CFAP47: variants seen among roughly 807,000 people sequenced by gnomAD.
The protein encoded by CFAP47 is cilia- and flagella-associated protein 47.
A neutral mutation model predicts 148.1 loss-of-function variants in CFAP47; 29 were observed. The ratio of observed to expected loss-of-function variants is 0.20; its 90% CI spans 0.15 to 0.27. The LOEUF is 0.27. Ranked by LOEUF, CFAP47 falls within the 10% of genes least tolerant of loss-of-function variation. The probability of loss-of-function intolerance (pLI) is 1.00; values close to 1 mark genes in which losing one functional copy is unlikely to be tolerated. For missense variants in CFAP47, 1,872 were observed against 1,697.5 expected, an observed-to-expected ratio of 1.10 and a Z score of -1.81; for synonymous variants, 664 against 577.3, an observed-to-expected ratio of 1.15 and a Z score of -2.15.
chrX:36,007,481 A>G (rs908082255), intron 21 of CFAP47, among the ~76,000 whole-genome samples: 16 of 112,207 alleles, frequency 1.4e-4, no homozygotes, highest in Non-Finnish European at 2.6e-4. Flanking sequence ...AAAATATCAC[A>G]CATCACAAAA....
chrX:36,109,765 C>T lies in CFAP47; in HGVS notation c.5320+5074C>T, dbSNP rs557007839. Among the ~76,000 whole-genome samples, 12 of 111,823 alleles carry T rather than the reference C, an allele frequency of 1.1e-4. No individual in the cohort carries two copies. The South Asian group carries it at 3.0e-3, about 28-fold the overall frequency. ...CTGGGATTGCAGGCCTGAGCCACCGCGCCCAGCCTACTTTTTGACTTTTTA... is the reference window on the plus strand; with the variant it reads ...CTGGGATTGCAGGCCTGAGCCACCGTGCCCAGCCTACTTTTTGACTTTTTA... On this transcript the variant is annotated intron_variant, in intron 33 of 63. Transcript: ENST00000378653.
chrX:36,117,681 T>G (rs1170437390), intron 33 of CFAP47, among the ~76,000 whole-genome samples: 1 of 111,944 alleles, frequency 8.9e-6, no homozygotes, highest in East Asian at 2.8e-4. Flanking sequence ...ACATTTTCTC[T>G]CATCCTGTGG....
At chrX:36,292,350 A>T (rs1221187698) in intron 51 of CFAP47, among the ~76,000 whole-genome samples, 1 of 112,142 alleles carries the variant, frequency 8.9e-6, no homozygotes, top group African/African-American at 3.2e-5. Flanking sequence ...GACCCAGATT[A>T]TAATGATCAC....
intron 15 of CFAP47, among the ~76,000 whole-genome samples, chrX:35,988,482 C>T (rs778152708): frequency 6.3e-5 from 7 of 111,675 alleles, no homozygotes; most frequent in African/African-American, 2.3e-4. Flanking sequence ...TGTTATCTCC[C>T]TATATGGCCA....
intron 3 of CFAP47, among the ~76,000 whole-genome samples, chrX:35,946,497 A>G (rs1371621928): frequency 9.0e-6 from 1 of 111,344 alleles, no homozygotes; most frequent in African/African-American, 3.3e-5. Context: ...AGTCAATAAT[A>G]CCTATTTATT....
intron 57 of CFAP47, among the ~76,000 whole-genome samples, chrX:36,330,540 A>G (rs1941556270): frequency 5.4e-5 from 6 of 111,939 alleles, no homozygotes; most frequent in Admixed American, 4.8e-4. Flanking sequence ...CTCATTATCA[A>G]TGAAGATGGG....
chrX:36,350,796 TGCCTTCCCAGGATCAGCCTAA>T (rs1556017387), intron 59 of CFAP47, among the ~76,000 whole-genome samples: 1 of 109,814 alleles, frequency 9.1e-6, no homozygotes, highest in Non-Finnish European at 1.9e-5. Context: ...ATTTTCCCAT[TGCCTTCCCAGGATCAGCCTAA>T]GAAACAAAAT....
rs1245204530 is a variant in CFAP47, at chrX:35,926,067, G to T, written c.300G>T (p.Gln100His). 6.6e-6 allele frequency: 8 copies of T among 1,203,921 alleles called. No individual in the cohort carries two copies. Among genetic ancestry groups the T allele is most frequent in the Non-Finnish European group, 9.0e-6 (8 of 890,117 alleles). Residue 100 changes from glutamine (Q) to histidine (H), a missense_variant, in exon 2 of 64, where the codon CAG becomes CAT. Transcript: ENST00000378653. Reference protein sequence around the residue: ...SLDKELASGLQMTAMVEYHPD... With the variant: ...SLDKELASGLHMTAMVEYHPD... ...ATAAAGAACTTGCTTCTGGCCTTCA[G>T]ATGACAGCTATGGTGGAATATCATC...
intron 39 of CFAP47, among the ~76,000 whole-genome samples, chrX:36,172,510 G>T (rs1333367974): frequency 9.1e-6 from 1 of 109,470 alleles, no homozygotes; most frequent in African/African-American, 3.3e-5. Flanking sequence ...TAGCATGAGG[G>T]GTTGTTGAAT....
intron 30 of CFAP47, among the ~76,000 whole-genome samples, chrX:36,090,900 T>C (rs1192531819): frequency 2.7e-5 from 3 of 111,674 alleles, no homozygotes; most frequent in African/African-American, 9.7e-5. Context: ...AAGTTTAGCA[T>C]TTAATAACTA....
At position 36,300,998 on chromosome X, in the gene CFAP47, G is replaced by A. The variant is rs1448565814; in HGVS notation, c.7863-74G>A. 5.5e-6 allele frequency: 3 copies of A among 544,444 alleles called. No individual in the cohort carries two copies. The African/African-American group carries it at 7.0e-5, about 13-fold the overall frequency. The allele number at this position is 544,444 out of a possible 1,213,427, so 44.9% of individuals were successfully genotyped here. A position where few individuals can be genotyped will look rare whatever the true frequency, so the allele number is the denominator to read the frequency against. ...AAACCAACTATTTATACTAGTTTGG[G>A]GTATACTACTTCTGCCCAATTTATT... On this transcript the variant is annotated intron_variant, in intron 52 of 63. Coordinates refer to ENST00000378653, the MANE Select transcript of CFAP47 (RefSeq NM_001304548.2).
intron 48 of CFAP47, among the ~76,000 whole-genome samples, chrX:36,250,139 A>C (rs1369862105): frequency 9.0e-6 from 1 of 111,665 alleles, no homozygotes; most frequent in Non-Finnish European, 1.9e-5. Context: ...AGCATTATTC[A>C]CAATAGCCAA....
intron 49 of CFAP47, among the ~76,000 whole-genome samples, chrX:36,258,410 G>A (rs139338753): frequency 0.048 from 5,279 of 111,127 alleles, 119 homozygotes; most frequent in Middle Eastern, 0.079. Flanking sequence ...TTTACAATGA[G>A]AGCTCTTTAA....
chrX:36,288,999 C>CT (rs34230885), intron 51 of CFAP47, among the ~76,000 whole-genome samples: 15,523 of 66,684 alleles, frequency 0.23, 1,749 homozygotes, highest in East Asian at 0.39. Flanking sequence ...TTCTTTCATC[C>CT]TTTTTTTTTT....
At chrX:36,228,862 A>G (rs1940302734) in intron 46 of CFAP47, 38 bp downstream of exon 46, 1 of 502,554 alleles carries the variant, frequency 2.0e-6, no homozygotes, top group Non-Finnish European at 3.6e-6. Flanking sequence ...CTTTATTCAT[A>G]TTGCCACTGT....
intron 48 of CFAP47, among the ~76,000 whole-genome samples, chrX:36,248,452 TAAAG>T (rs1270882267): frequency 4.1e-4 from 42 of 103,013 alleles, no homozygotes; most frequent in Middle Eastern, 5.3e-3. Context: ...TATTATAACA[TAAAG>T]AAAGCATAGA....
chrX:36,288,999 C>CTTTT (rs34230885), intron 51 of CFAP47, among the ~76,000 whole-genome samples: 163 of 66,209 alleles, frequency 2.5e-3, no homozygotes, highest in Non-Finnish European at 3.2e-3. Flanking sequence ...TTCTTTCATC[C>CTTTT]TTTTTTTTTT....
rs1166946144 is a variant in CFAP47, at chrX:36,085,347, C to T, written c.4725C>T (p.Thr1575=). The change falls in exon 30 of 64, where the codon ACC becomes ACT. Residue 1575 remains threonine, a synonymous_variant. Coordinates refer to ENST00000378653, the MANE Select transcript of CFAP47 (RefSeq NM_001304548.2). ...DVYKMQFYSS[T]SPPQKFSRQN... is the part of the protein sequence containing the mutation. ...ATAAAATGCAATTCTACTCATCAAC[C>T]TCGCCACCCCAAAAGTTTTCCAGAC... The T allele has an allele frequency of 1.7e-6, 2 of 1,203,577 alleles. No individual in the cohort carries two copies. Among genetic ancestry groups the T allele is most frequent in the African/African-American group, 3.5e-5 (2 of 57,168 alleles).
intron 49 of CFAP47, among the ~76,000 whole-genome samples, chrX:36,259,852 A>G (rs1460554423): frequency 9.0e-6 from 1 of 111,270 alleles, no homozygotes; most frequent in Non-Finnish European, 1.9e-5. Context: ...CTTCCAACCA[A>G]TGCCCTTCTC....
Sources: allele counts gnomAD v4.1 joint callset (sites outside exome capture counted in the v4.1 genomes callset), GRCh38; gene constraint gnomAD v4.1.1; transcripts MANE v1.5; gene names NCBI Gene and HGNC (gene_info 2026-07-23, HGNC 2026-07-21).